Variants in AURKA observed in about 807,000 individuals in gnomAD.
AURKA encodes aurora 2.
A neutral mutation model predicts 40.9 loss-of-function variants in AURKA; 12 were observed. The observed-to-expected ratio is 0.29, with a 90% CI of 0.19 to 0.48. The LOEUF (loss-of-function observed/expected upper bound fraction) is 0.48. Ranked by LOEUF, AURKA falls within the 20% of genes least tolerant of loss-of-function variation. The pLI, the probability that AURKA is intolerant of heterozygous loss-of-function variation, is 0.99. For synonymous variants in AURKA, 170 were observed against 164.3 expected (o/e 1.03, Z -0.26); for missense variants, 322 against 462.1 (o/e 0.70, Z 2.78).
intron 5 of AURKA, 85 bp downstream of exon 5, chr20:56,382,900 C>T (rs1985903062): frequency 2.0e-6 from 3 of 1,466,032 alleles, no homozygotes; most frequent in Admixed American, 1.7e-5. Context: ...GTGAAGGGAC[C>T]TGGGCAGTGG....
chr20:56,386,543 A>G lies in AURKA; in HGVS notation c.43-10T>C. ...CAACTGGAGCTGTAGCCTAGAATGG[A>G]AGAGAAAATAAACTTTCTGGCATTC... On this transcript the variant is annotated splice_polypyrimidine_tract_variant and intron_variant, in intron 2 of 8. Transcript: ENST00000395915. The G allele has an allele frequency of 6.2e-7, 1 of 1,614,208 alleles. No individual in the cohort carries two copies. Among genetic ancestry groups the G allele is most frequent in the Non-Finnish European group, 8.5e-7 (1 of 1,180,014 alleles).
intron 6 of AURKA, among the ~76,000 whole-genome samples, chr20:56,375,176 T>C (rs1400832557): frequency 6.6e-6 from 1 of 152,102 alleles, no homozygotes; most frequent in African/African-American, 2.4e-5. Context: ...CCAGCCTGGA[T>C]TGCTATGGCA....
At chr20:56,390,901 G>A (rs1186167973) in intron 1 of AURKA, among the ~76,000 whole-genome samples, 1 of 152,100 alleles carries the variant, frequency 6.6e-6, no homozygotes, top group Admixed American at 6.6e-5. Flanking sequence ...GATCACATAG[G>A]CCTAACAACA....
Position 56,369,710 on chromosome 20 carries a change from T to C in AURKA, c.*448A>G, listed in dbSNP as rs928313968. On this transcript the variant is annotated 3_prime_UTR_variant, in exon 9 of 9. Transcript: ENST00000395915. ...TTCATACTTAAAAAGAATCACATAC[T>C]CATTCCAACAGCTTTACCAGGCTTC... is the stretch of plus-strand genomic sequence containing the variant. 6 of 356,368 alleles carry C rather than the reference T, an allele frequency of 1.7e-5. No homozygotes were observed. Among genetic ancestry groups the C allele is most frequent in the African/African-American group, 1.2e-4 (6 of 49,980 alleles). The allele number at this position is 356,368 out of a possible 1,614,324, so 22.1% of individuals were successfully genotyped here.
intron 6 of AURKA, among the ~76,000 whole-genome samples, chr20:56,380,507 A>G (rs1165043731): frequency 6.6e-6 from 1 of 152,238 alleles, no homozygotes; most frequent in Non-Finnish European, 1.5e-5. Context: ...GATTAAATAA[A>G]TAAGGGAGAA....
rs551697644 is a variant in AURKA at position 56,382,347 on chromosome 20, C to T, written c.566+638G>A. ...AAGCACAGCCCATGTGAGATGCCTG[C>T]CCCTCCCAGCCCCAGCCAGGTGTTG... On this transcript the variant is annotated intron_variant, in intron 5 of 8. Coordinates refer to ENST00000395915, the MANE Select transcript of AURKA (RefSeq NM_198437.3). 5.9e-5 allele frequency among the ~76,000 whole-genome samples: 9 copies of T among 152,242 alleles called. No individual in the cohort carries two copies. The South Asian group carries it at 1.9e-3, about 32-fold the overall frequency.
At chr20:56,384,048 T>C (rs1313025942) in intron 4 of AURKA, among the ~76,000 whole-genome samples, 1 of 152,212 alleles carries the variant, frequency 6.6e-6, no homozygotes, top group Non-Finnish European at 1.5e-5. Flanking sequence ...TACAAGCTTT[T>C]TCTAAATTTG....
intron 6 of AURKA, among the ~76,000 whole-genome samples, chr20:56,376,502 A>G (rs1362416143): frequency 7.9e-5 from 12 of 152,254 alleles, no homozygotes; most frequent in Admixed American, 7.9e-4. Context: ...GCATGATTTC[A>G]TCAGATACTG....
At chr20:56,386,727 C>T (rs1986426532) in intron 2 of AURKA, among the ~76,000 whole-genome samples, 194 bp from the exon 3 acceptor site, 1 of 152,146 alleles carries the variant, frequency 6.6e-6, no homozygotes, top group Admixed American at 6.5e-5. Flanking sequence ...CTGAATGATA[C>T]CTTCTATCCC....
At chr20:56,375,752 T>C (rs1186245224) in intron 6 of AURKA, among the ~76,000 whole-genome samples, 1 of 152,158 alleles carries the variant, frequency 6.6e-6, no homozygotes, top group East Asian at 1.9e-4. Context: ...TTGCACACAT[T>C]AAAGTTTGAG....
intron 3 of AURKA, among the ~76,000 whole-genome samples, chr20:56,385,836 G>C (rs892869486): frequency 2.0e-5 from 3 of 152,104 alleles, no homozygotes; most frequent in South Asian, 2.1e-4. Context: ...AAATGCCCTA[G>C]AGATGAGGCC....
In AURKA at chr20:56,386,207, G is replaced by T. The variant is rs1434964961; in HGVS notation, c.319+50C>A. ...GCAAGTATATACACTGGCTTTTTTA[G>T]CAACGACGACAAAGAAGGACTATCC... is the stretch of plus-strand genomic sequence containing the variant. On this transcript the variant is annotated intron_variant, in intron 3 of 8. Coordinates refer to ENST00000395915, the MANE Select transcript of AURKA (RefSeq NM_198437.3). 4 of 1,610,748 alleles carry T rather than the reference G, an allele frequency of 2.5e-6. No individual in the cohort carries two copies. In the South Asian group the frequency reaches 3.3e-5, roughly 13 times the overall value.
chr20:56,371,917 G>T (rs925482635), intron 7 of AURKA, among the ~76,000 whole-genome samples: 6 of 152,186 alleles, frequency 3.9e-5, no homozygotes, highest in Non-Finnish European at 8.8e-5. Flanking sequence ...TGTTTGCAAC[G>T]TATTTTCAAG....
chr20:56,386,914 T>C (rs1415362086), intron 2 of AURKA, among the ~76,000 whole-genome samples: 1 of 150,060 alleles, frequency 6.7e-6, no homozygotes, highest in Non-Finnish European at 1.5e-5. Flanking sequence ...TCTTTGATAA[T>C]ATACGTTTAA....
In AURKA at chr20:56,386,497, C is replaced by G. The variant is rs750077869; in HGVS notation, c.79G>C (p.Val27Leu). The part of the protein sequence containing the change: ...APVGGPKRVL[V>L]TQQFPCQNPL... ...TTCTGACAAGGAAATTGCTGAGTCA[C>G]GAGAACACGTTTTGGACCTCCAACT... Residue 27 changes from valine to leucine, a missense_variant, in exon 3 of 9, where the codon GTG becomes CTG. By Grantham distance (32) the Val-to-Leu change is conservative. Transcript: ENST00000395915. 3 of 1,614,130 alleles carry G rather than the reference C, an allele frequency of 1.9e-6. No homozygotes were observed. The East Asian group carries it at 6.7e-5, about 36-fold the overall frequency.
Position 56,369,824 on chromosome 20 carries a change from CT to C in AURKA, c.*333del. 6.3e-6 allele frequency: 3 copies of C among 479,276 alleles called. No homozygotes were observed. The highest frequency in any genetic ancestry group is 1.1e-5 in the Non-Finnish European group (3 of 261,098). 29.7% of individuals were successfully genotyped at this position (479,276 alleles called of 1,614,324 possible). On this transcript the variant is annotated 3_prime_UTR_variant, in exon 9 of 9. Coordinates refer to ENST00000395915, the MANE Select transcript of AURKA (RefSeq NM_198437.3). ...GATCGGGGTCAGGGCAGAGTGGTCA[CT>C]TTCCCCACAGCCAGGCTCTGGATTT...
chr20:56,381,077 G>C (rs1985646701), intron 6 of AURKA, among the ~76,000 whole-genome samples: 1 of 151,810 alleles, frequency 6.6e-6, no homozygotes, highest in South Asian at 2.1e-4. Context: ...AGTCCAGCCT[G>C]GGCAACATAA....
In AURKA at chr20:56,384,331, G is replaced by A. The variant is rs777128047; in HGVS notation, c.320-7C>T. Reference sequence around the variant, plus strand: ...TCCTCCTCAGGATTATTTTCTATATGGAATAAGTTAAAAACCTGTTTTTAG... The same window carrying A: ...TCCTCCTCAGGATTATTTTCTATATAGAATAAGTTAAAAACCTGTTTTTAG... On this transcript the variant is annotated splice_region_variant and splice_polypyrimidine_tract_variant and intron_variant, in intron 3 of 8. Coordinates refer to ENST00000395915, the MANE Select transcript of AURKA (RefSeq NM_198437.3). 2 of 1,586,782 alleles carry A rather than the reference G, an allele frequency of 1.3e-6. No individual in the cohort carries two copies. Among genetic ancestry groups the A allele is most frequent in the Non-Finnish European group, 1.7e-6 (2 of 1,157,120 alleles).
chr20:56,385,821 C>T (rs1278251261), intron 3 of AURKA, among the ~76,000 whole-genome samples: 2 of 152,160 alleles, frequency 1.3e-5, no homozygotes, highest in Non-Finnish European at 2.9e-5. Flanking sequence ...GCTTCAGTAG[C>T]TTCCAAATGC....
Sources: allele counts gnomAD v4.1 joint callset (sites outside exome capture counted in the v4.1 genomes callset), GRCh38; gene constraint gnomAD v4.1.1; transcripts MANE v1.5; gene names NCBI Gene and HGNC (gene_info 2026-07-23, HGNC 2026-07-21).